Variants in ITFG1 observed in about 807,000 individuals in gnomAD.
ITFG1 encodes T-cell immunomodulatory protein.
A neutral mutation model predicts 81.8 loss-of-function variants in ITFG1; 34 were observed. The ratio of observed to expected loss-of-function variants is 0.42; its 90% CI spans 0.32 to 0.55. The LOEUF (loss-of-function observed/expected upper bound fraction) is 0.55, where lower values mean the gene tolerates loss of function less well. Among genes scored for constraint, ITFG1 ranks in the 20% least tolerant of loss-of-function variants. The pLI is 0.17. For missense variants in ITFG1, 672 were observed against 755.4 expected, an observed-to-expected ratio of 0.89 and a Z score of 1.29; for synonymous variants, 285 against 270.6, an observed-to-expected ratio of 1.05 and a Z score of -0.52.
chr16:47,265,867 A>G (rs1400301694), intron 10 of ITFG1, among the ~76,000 whole-genome samples: 1 of 152,210 alleles, frequency 6.6e-6, no homozygotes, highest in Non-Finnish European at 1.5e-5. Context: ...ATATAAAGAT[A>G]CAAATAGGTA....
rs774870482 is a variant in ITFG1 at position 47,154,798 on chromosome 16, G to A, written c.*921C>T. The A allele has an allele frequency of 1.3e-5, 2 of 152,106 alleles. No homozygotes were observed. The highest frequency in any genetic ancestry group is 2.9e-5 in the Non-Finnish European group (2 of 68,016). 9.4% of individuals were successfully genotyped at this position (152,106 alleles called of 1,614,324 possible). A position where few individuals can be genotyped will look rare whatever the true frequency, so the allele number is the denominator to read the frequency against. ...CACATGATAAGGATAAGTTTTTGGAGGAAAATTTTTAGGGCACATTAATTC... is the reference window on the plus strand; with the variant it reads ...CACATGATAAGGATAAGTTTTTGGAAGAAAATTTTTAGGGCACATTAATTC... On this transcript the variant is annotated 3_prime_UTR_variant, in exon 18 of 18. Transcript: ENST00000320640.
At chr16:47,348,593 C>A (rs911841641) in intron 8 of ITFG1, among the ~76,000 whole-genome samples, 1 of 152,100 alleles carries the variant, frequency 6.6e-6, no homozygotes. Flanking sequence ...AATGGTGTAC[C>A]TGAAAGTGAT....
At chr16:47,401,866 GT>G (rs1044366159) in intron 6 of ITFG1, among the ~76,000 whole-genome samples, 1 of 151,274 alleles carries the variant, frequency 6.6e-6, no homozygotes, top group Non-Finnish European at 1.5e-5. Flanking sequence ...GGTTCCTTTG[GT>G]TTTTTTTCAC....
At chr16:47,321,325 A>C (rs1211656598) in intron 8 of ITFG1, among the ~76,000 whole-genome samples, 1 of 152,208 alleles carries the variant, frequency 6.6e-6, no homozygotes, top group Non-Finnish European at 1.5e-5. Context: ...TGGCTTTCTC[A>C]TTATACTTGG....
At chr16:47,227,088 C>G (rs1567429216) in intron 13 of ITFG1, among the ~76,000 whole-genome samples, 1 of 152,120 alleles carries the variant, frequency 6.6e-6, no homozygotes, top group East Asian at 1.9e-4. Context: ...TTTCCTTTCT[C>G]AACTGAAATG....
intron 6 of ITFG1, among the ~76,000 whole-genome samples, chr16:47,399,739 T>C (rs555702020): frequency 1.3e-5 from 2 of 152,348 alleles, no homozygotes; most frequent in African/African-American, 2.4e-5. Context: ...CATAAGATAA[T>C]TGTATTTTTA....
chr16:47,424,351 T>TA (rs924843119), intron 6 of ITFG1, among the ~76,000 whole-genome samples: 1 of 152,202 alleles, frequency 6.6e-6, no homozygotes, highest in African/African-American at 2.4e-5. Flanking sequence ...TCAAGGTTTT[T>TA]AGCTTCCTTG....
chr16:47,213,190 T>C (rs1359009637), intron 14 of ITFG1, among the ~76,000 whole-genome samples: 1 of 152,216 alleles, frequency 6.6e-6, no homozygotes, highest in Non-Finnish European at 1.5e-5. Flanking sequence ...TGTTTAAGTT[T>C]CAAGTGTTTA....
At chr16:47,303,896 C>T (rs1967116529) in intron 10 of ITFG1, among the ~76,000 whole-genome samples, 1 of 152,138 alleles carries the variant, frequency 6.6e-6, no homozygotes, top group African/African-American at 2.4e-5. Flanking sequence ...TCTGAAAGTG[C>T]TAGGATTACA....
intron 5 of ITFG1, among the ~76,000 whole-genome samples, chr16:47,429,948 C>T (rs796543928): frequency 3.9e-5 from 6 of 152,014 alleles, no homozygotes; most frequent in African/African-American, 1.4e-4. Flanking sequence ...AAGACCATTA[C>T]CCTCAGTCCC....
At chr16:47,250,823 A>AC (rs898988624) in intron 12 of ITFG1, among the ~76,000 whole-genome samples, 2 of 151,938 alleles carry the variant, frequency 1.3e-5, no homozygotes, top group African/African-American at 2.4e-5. Flanking sequence ...ATGGGGGTGG[A>AC]CCCCCCAGCA....
chr16:47,305,789 G>A (rs1967148589), intron 10 of ITFG1, among the ~76,000 whole-genome samples: 2 of 152,162 alleles, frequency 1.3e-5, no homozygotes, highest in African/African-American at 4.8e-5. Context: ...TAGCAATTCA[G>A]GCTGGGGGAA....
chr16:47,169,296 T>C (rs545077455), intron 14 of ITFG1, among the ~76,000 whole-genome samples: 27 of 152,308 alleles, frequency 1.8e-4, no homozygotes, highest in Middle Eastern at 6.8e-3. Context: ...TTGGGGAATA[T>C]TGCTATCTTA....
chr16:47,460,126 A>G (rs936995619), intron 1 of ITFG1, among the ~76,000 whole-genome samples: 1 of 152,270 alleles, frequency 6.6e-6, no homozygotes, highest in Non-Finnish European at 1.5e-5. Flanking sequence ...GAAAGTAGAC[A>G]TTTGGAACAC....
At chr16:47,316,704 C>A (rs1251883255) in intron 8 of ITFG1, among the ~76,000 whole-genome samples, 3 of 152,128 alleles carry the variant, frequency 2.0e-5, no homozygotes, top group Non-Finnish European at 4.4e-5. Context: ...CTTTAATTTG[C>A]ATATCTTTTA....
intron 14 of ITFG1, chr16:47,218,630 A>G (rs1965654572): frequency 3.9e-6 from 1 of 253,344 alleles, no homozygotes. Context: ...TCAACTAAAA[A>G]ATAAGGATAA....
intron 6 of ITFG1, among the ~76,000 whole-genome samples, chr16:47,413,674 C>T (rs898947901): frequency 1.1e-4 from 16 of 151,986 alleles, no homozygotes; most frequent in Admixed American, 1.3e-4. Context: ...CTAGCCTGGG[C>T]AACAGAGCAA....
chr16:47,440,887 T>C (rs1969239368), intron 5 of ITFG1, among the ~76,000 whole-genome samples: 1 of 152,002 alleles, frequency 6.6e-6, no homozygotes. Flanking sequence ...AAAAAATCAA[T>C]GAATCCAGGA....
Position 47,311,383 on chromosome 16 carries a change from A to C in ITFG1, c.927T>G (p.Asn309Lys), listed in dbSNP as rs1441921720. 8.7e-6 allele frequency: 14 copies of C among 1,613,230 alleles called. No homozygotes were observed. Among genetic ancestry groups the C allele is most frequent in the Non-Finnish European group, 1.2e-5 (14 of 1,179,542 alleles). The change falls in exon 10 of 18, where the codon AAT becomes AAG. Residue 309 changes from asparagine to lysine, a missense_variant. Physicochemically the swap from Asn to Lys is moderately conservative, Grantham distance 94 (BLOSUM62 0). Coordinates refer to ENST00000320640, the MANE Select transcript of ITFG1 (RefSeq NM_030790.5). Reference sequence around the variant, plus strand: ...GCACAAAGCCCCAGAGTGTGCCCTTATTGCTGAAATCTTGTAGGACTGGAA... The same window carrying C: ...GCACAAAGCCCCAGAGTGTGCCCTTCTTGCTGAAATCTTGTAGGACTGGAA... ...QWVPVLQDFSNKGTLWGFVPF... is the reference protein window; with the variant it reads ...QWVPVLQDFSKKGTLWGFVPF...
Sources: allele counts gnomAD v4.1 joint callset (sites outside exome capture counted in the v4.1 genomes callset), GRCh38; gene constraint gnomAD v4.1.1; transcripts MANE v1.5; gene names NCBI Gene and HGNC (gene_info 2026-07-23, HGNC 2026-07-21).